The following PCDHA11 variants were observed in gnomAD, a reference collection of about 807,000 sequenced individuals.
PCDHA11 encodes the protein protocadherin alpha 11, also known as protocadherin alpha-11.
In PCDHA11, 61 loss-of-function variants were observed where a neutral mutation model predicts 70.3. The ratio of observed to expected loss-of-function variants is 0.87; its 90% CI spans 0.71 to 1.07. The LOEUF (loss-of-function observed/expected upper bound fraction) is 1.07, where lower values mean the gene tolerates loss of function less well. Among genes scored for constraint, PCDHA11 ranks in the 50% least tolerant of loss-of-function variants. The pLI is 0.00. For missense variants in PCDHA11, 1,324 were observed against 1,237.5 expected, an observed-to-expected ratio of 1.07 and a Z score of -1.05; for synonymous variants, 633 against 555.1, an observed-to-expected ratio of 1.14 and a Z score of -1.97.
intron 3 of PCDHA11, among the ~76,000 whole-genome samples, chr5:141,007,874 T>TA (rs2098349969): frequency 6.6e-6 from 1 of 152,244 alleles, no homozygotes; most frequent in African/African-American, 2.4e-5. Flanking sequence ...TCCTTTGTCT[T>TA]ACACTTCTTT....
intron 3 of PCDHA11, among the ~76,000 whole-genome samples, chr5:140,985,739 CTT>C (rs11372071): frequency 4.2e-4 from 50 of 117,920 alleles, no homozygotes; most frequent in Middle Eastern, 4.8e-3. Context: ...TGATGAATTC[CTT>C]TTTTTTTTTT....
intron 1 of PCDHA11, chr5:140,969,130 C>A (rs1353677478): frequency 2.5e-6 from 4 of 1,614,132 alleles, no homozygotes; most frequent in Non-Finnish European, 1.7e-6. Context: ...GCTCCCTCAC[C>A]AAGACCTACT....
chr5:140,920,519 C>T lies in PCDHA11; in HGVS notation c.2391+49025C>T, dbSNP rs555001599. Among the ~76,000 whole-genome samples the T allele has an allele frequency of 2.9e-4, 44 of 152,246 alleles. 2 individuals are homozygous for T. The highest frequency in any genetic ancestry group is 2.8e-4 in the Non-Finnish European group (19 of 68,008). On this transcript the variant is annotated intron_variant, in intron 1 of 3. Coordinates refer to ENST00000398640, the MANE Select transcript of PCDHA11 (RefSeq NM_018902.5). The stretch of plus-strand genomic sequence containing the variant: ...GTTCTACATACTGTTTTATGCAATT[C>T]GTTAGACTCAGGTTTTCTATTTCAC...
chr5:140,927,630 A>G (rs1408351955), intron 1 of PCDHA11: 3 of 1,614,064 alleles, frequency 1.9e-6, no homozygotes, highest in Non-Finnish European at 2.5e-6. Flanking sequence ...CAGAGACTGC[A>G]CCCAATGGGA....
intron 1 of PCDHA11, chr5:140,926,624 G>A (rs2083414676): frequency 5.0e-6 from 2 of 400,148 alleles, no homozygotes; most frequent in Admixed American, 8.6e-5. Context: ...CCTAGGCGGC[G>A]CTGCGCTCCT....
intron 1 of PCDHA11, among the ~76,000 whole-genome samples, chr5:140,963,916 T>A (rs186370400): frequency 2.0e-5 from 3 of 152,356 alleles, no homozygotes; most frequent in East Asian, 3.9e-4. Flanking sequence ...AAGCTTAGGC[T>A]AAGTAACATG....
chr5:140,965,035 C>T (rs978573637), intron 1 of PCDHA11, among the ~76,000 whole-genome samples: 6 of 152,108 alleles, frequency 3.9e-5, no homozygotes, highest in Non-Finnish European at 5.9e-5. Context: ...TTTAACTGTC[C>T]GCTCTAGGAG....
intron 1 of PCDHA11, among the ~76,000 whole-genome samples, chr5:140,936,016 C>T (rs1170221921): frequency 6.6e-6 from 1 of 151,732 alleles, no homozygotes; most frequent in Non-Finnish European, 1.5e-5. Context: ...CCTCAGCCTC[C>T]CGAGTAGCGG....
chr5:140,941,214 C>CTTTCTTTCTTT (rs1554214039), intron 1 of PCDHA11, among the ~76,000 whole-genome samples: 7,707 of 122,054 alleles, frequency 0.063, 376 homozygotes, highest in South Asian at 0.093. Context: ...TTTCTTTCTT[C>CTTTCTTTCTTT]CTTTCTTTCT....
chr5:140,926,680 A>C (rs2153583997), intron 1 of PCDHA11: 1 of 637,102 alleles, frequency 1.6e-6, no homozygotes, highest in Non-Finnish European at 2.4e-6. Flanking sequence ...CCCAGCCTCC[A>C]GCCTAGCAAG....
intron 1 of PCDHA11, chr5:140,969,176 G>T (rs1554231542): frequency 6.2e-7 from 1 of 1,614,102 alleles, no homozygotes; most frequent in African/African-American, 1.3e-5. Context: ...CTCAGGGAGT[G>T]ACACTTTCAT....
intron 3 of PCDHA11, among the ~76,000 whole-genome samples, chr5:140,995,791 T>C (rs547359105): frequency 1.3e-5 from 2 of 152,266 alleles, no homozygotes; most frequent in South Asian, 4.1e-4. Context: ...TTAAAATTTG[T>C]CTCATGTTAG....
intron 1 of PCDHA11, chr5:140,877,747 T>C (rs1554170075): frequency 1.2e-6 from 2 of 1,614,172 alleles, no homozygotes; most frequent in Non-Finnish European, 8.5e-7. Context: ...GCAGAGGGTG[T>C]GCTCTGCAGA....
intron 1 of PCDHA11, among the ~76,000 whole-genome samples, chr5:140,878,995 A>G (rs2057802646): frequency 6.6e-6 from 1 of 152,246 alleles, no homozygotes; most frequent in South Asian, 2.1e-4. Context: ...AAATGAGAGT[A>G]TGCCCTAGAA....
At chr5:140,994,789 G>A (rs901197365) in intron 3 of PCDHA11, among the ~76,000 whole-genome samples, 8 of 152,260 alleles carry the variant, frequency 5.3e-5, no homozygotes, top group South Asian at 4.1e-4. Flanking sequence ...GAAACAATGC[G>A]TGCATGCAAA....
intron 3 of PCDHA11, among the ~76,000 whole-genome samples, chr5:140,986,945 C>G (rs1295830111): frequency 1.3e-5 from 2 of 151,946 alleles, no homozygotes; most frequent in Non-Finnish European, 2.9e-5. Context: ...TGGGTGTGGT[C>G]GCTCATGCCT....
chr5:140,871,716 C>G (rs1315028077), intron 1 of PCDHA11: 6 of 796,846 alleles, frequency 7.5e-6, no homozygotes, highest in Non-Finnish European at 1.1e-5. Flanking sequence ...TGTCCTATTT[C>G]TCTTAATATT....
intron 3 of PCDHA11, among the ~76,000 whole-genome samples, chr5:141,006,017 G>A (rs139294218): frequency 1.3e-5 from 2 of 151,190 alleles, no homozygotes; most frequent in African/African-American, 4.8e-5. Context: ...TATGGTTGGA[G>A]TATAATAGTA....
At chr5:140,989,829 C>A (rs1554251113) in intron 3 of PCDHA11, among the ~76,000 whole-genome samples, 3 of 152,124 alleles carry the variant, frequency 2.0e-5, no homozygotes, top group Non-Finnish European at 2.9e-5. Context: ...TGCCAGGAAG[C>A]CTGTCAATGA....
Sources: allele counts gnomAD v4.1 joint callset (sites outside exome capture counted in the v4.1 genomes callset), GRCh38; gene constraint gnomAD v4.1.1; transcripts MANE v1.5; gene names NCBI Gene and HGNC (gene_info 2026-07-23, HGNC 2026-07-21).